The following STK33 variants were observed in gnomAD, a reference collection of about 807,000 sequenced individuals.
The protein encoded by STK33 is serine/threonine-protein kinase 33.
A neutral mutation model predicts 58.0 loss-of-function variants in STK33; 52 were observed. The ratio of observed to expected loss-of-function variants is 0.90; its 90% CI spans 0.72 to 1.13. The LOEUF (loss-of-function observed/expected upper bound fraction) is 1.13, where lower values mean the gene tolerates loss of function less well. STK33 is among the 50% of genes most tolerant of loss of function. The pLI is 0.00. For missense variants in STK33, 630 were observed against 604.2 expected (o/e 1.04, Z -0.45); for synonymous variants, 215 against 200.1 (o/e 1.07, Z -0.63).
intron 1 of STK33, among the ~76,000 whole-genome samples, chr11:8,490,014 G>A (rs956076567): frequency 1.3e-5 from 2 of 152,188 alleles, no homozygotes; most frequent in Non-Finnish European, 2.9e-5. Flanking sequence ...GCAGAAGATG[G>A]GTGATTTCTG....
chr11:8,353,153 C>A, the STK33 span, among the ~76,000 whole-genome samples: 1 of 152,224 alleles, frequency 6.6e-6, no homozygotes, highest in Non-Finnish European at 1.5e-5. Flanking sequence ...CATATCCTCC[C>A]AGGCCATGGA....
chr11:8,550,755 T>G (rs1956247424), intron 1 of STK33, among the ~76,000 whole-genome samples: 1 of 152,182 alleles, frequency 6.6e-6, no homozygotes, highest in Non-Finnish European at 1.5e-5. Context: ...CCATATCACC[T>G]TCAGCATTTT....
rs538558274 is a variant in STK33, at chr11:8,557,744, A to G, written c.-466+36339T>C. 5.3e-5 allele frequency among the ~76,000 whole-genome samples: 8 copies of G among 151,776 alleles called. No individual in the cohort carries two copies. The South Asian group carries it at 8.3e-4, about 16-fold the overall frequency. ...TCAACCTATATCATCACTGGAGTAG[A>G]AAAAAACCCTCAAAAAAGATAACTA... is the stretch of plus-strand genomic sequence containing the variant. On this transcript the variant is annotated intron_variant, in intron 1 of 15. Transcript: ENST00000687296.
chr11:8,454,706 G>C, intron 10 of STK33, 38 bp downstream of exon 10: 1 of 1,540,030 alleles, frequency 6.5e-7, no homozygotes, highest in East Asian at 2.5e-5. Flanking sequence ...CTATCAAACT[G>C]TTTACAGGCA....
chr11:8,491,883 C>T (rs1304340622), intron 1 of STK33, among the ~76,000 whole-genome samples: 49 of 152,170 alleles, frequency 3.2e-4, no homozygotes, highest in Non-Finnish European at 2.9e-5. Context: ...CCTTTCTAGA[C>T]AAGCAAATGC....
the STK33 span, among the ~76,000 whole-genome samples, chr11:8,335,943 C>A: frequency 6.6e-6 from 1 of 152,228 alleles, no homozygotes; most frequent in Non-Finnish European, 1.5e-5. Flanking sequence ...CAGAGACCAG[C>A]ATGCTGGGTC....
At chr11:8,350,176 G>A in the STK33 span, among the ~76,000 whole-genome samples, 8 of 152,244 alleles carry the variant, frequency 5.3e-5, no homozygotes, top group African/African-American at 1.9e-4. Context: ...TGGCTCTGTG[G>A]TGGCAGACGA....
the STK33 span, among the ~76,000 whole-genome samples, chr11:8,355,872 A>G: frequency 1.3e-5 from 2 of 152,338 alleles, no homozygotes; most frequent in South Asian, 4.1e-4. Flanking sequence ...CACCATCACC[A>G]TCACCATCAT....
At chr11:8,398,485 AG>A (rs1251424604) in intron 15 of STK33, among the ~76,000 whole-genome samples, 1 of 152,216 alleles carries the variant, frequency 6.6e-6, no homozygotes, top group African/African-American at 2.4e-5. Context: ...AAGGAACAAA[AG>A]GTTCCAGCCA....
chr11:8,348,910 T>A, the STK33 span, among the ~76,000 whole-genome samples: 1,878 of 152,336 alleles, frequency 0.012, 37 homozygotes, highest in African/African-American at 0.042. Flanking sequence ...ACATTATTTT[T>A]AAAATATCAT....
At chr11:8,484,205 A>G (rs1950044492) in intron 1 of STK33, among the ~76,000 whole-genome samples, 1 of 152,212 alleles carries the variant, frequency 6.6e-6, no homozygotes, top group Admixed American at 6.5e-5. Context: ...CAACATGTAT[A>G]GATGGTGTGT....
chr11:8,504,502 T>C (rs1951734128), intron 1 of STK33, among the ~76,000 whole-genome samples: 1 of 152,070 alleles, frequency 6.6e-6, no homozygotes, highest in East Asian at 1.9e-4. Flanking sequence ...AAAAATTAAA[T>C]TATAGGCCAG....
At chr11:8,555,026 T>C (rs1379186863) in intron 1 of STK33, 1 of 152,136 alleles carries the variant, frequency 6.6e-6, no homozygotes, top group Non-Finnish European at 1.5e-5. Flanking sequence ...GACCTCTCTC[T>C]CATAGGGCTG....
chr11:8,390,141 T>A (rs987908660), downstream of STK33, among the ~76,000 whole-genome samples: 1 of 152,252 alleles, frequency 6.6e-6, no homozygotes, highest in Admixed American at 6.5e-5. Context: ...TATCATCCTC[T>A]ATTCTCCTCA....
chr11:8,543,817 T>G (rs1437407552), intron 1 of STK33, among the ~76,000 whole-genome samples: 1 of 152,124 alleles, frequency 6.6e-6, no homozygotes, highest in Non-Finnish European at 1.5e-5. Flanking sequence ...CATGACATAT[T>G]ACACATTGCA....
chr11:8,545,522 G>A (rs761339659), intron 1 of STK33, among the ~76,000 whole-genome samples: 13 of 152,110 alleles, frequency 8.5e-5, no homozygotes, highest in Non-Finnish European at 1.5e-4. Context: ...CCCTGAATGC[G>A]TTTGTTTAAA....
intron 12 of STK33, 22 bp from the exon 13 acceptor site, chr11:8,436,161 T>G (rs1944040614): frequency 7.1e-7 from 1 of 1,404,612 alleles, no homozygotes; most frequent in South Asian, 1.5e-5. Flanking sequence ...GCAATCACTT[T>G]GTTTAAATTT....
rs561083519 is a variant in STK33 at position 8,498,682 on chromosome 11, T to A, written c.-465-18068A>T. On this transcript the variant is annotated intron_variant, in intron 1 of 15. Coordinates refer to ENST00000687296, the MANE Select transcript of STK33 (RefSeq NM_001352389.2). ...GGCATCACACTACCTAACTTCAAAC[T>A]ATATACAAGGCTACAGTAACCAAAA... 2.0e-5 allele frequency among the ~76,000 whole-genome samples: 3 copies of A among 152,302 alleles called. No individual in the cohort carries two copies. The East Asian group carries it at 5.8e-4, about 29-fold the overall frequency.
intron 6 of STK33, among the ~76,000 whole-genome samples, chr11:8,471,884 T>C (rs1948813327): frequency 1.3e-5 from 2 of 152,168 alleles, no homozygotes; most frequent in South Asian, 2.1e-4. Flanking sequence ...AATGAACATA[T>C]TTTGCTTTTA....
Sources: allele counts gnomAD v4.1 joint callset (sites outside exome capture counted in the v4.1 genomes callset), GRCh38; gene constraint gnomAD v4.1.1; transcripts MANE v1.5; gene names NCBI Gene and HGNC (gene_info 2026-07-23, HGNC 2026-07-21).